TTN: variants seen among roughly 807,000 people sequenced by gnomAD.
TTN encodes the protein connectin.
Under a neutral mutation model 3,223.0 loss-of-function variants are expected in TTN, and 1,525 were observed. The observed-to-expected ratio is 0.47, with a 90% CI of 0.45 to 0.49. The LOEUF (loss-of-function observed/expected upper bound fraction) is 0.49. TTN is among the 20% of genes least tolerant of loss of function. The pLI, the probability that TTN is intolerant of heterozygous loss-of-function variation, is 0.00. For missense variants in TTN, 40,786 were observed against 43,424.0 expected (o/e 0.94, Z 5.40); for synonymous variants, 14,094 against 15,161.0 (o/e 0.93, Z 5.17).
intron 16 of TTN, 81 bp from the exon 17 acceptor site, chr2:178,783,866 A>T: frequency 9.7e-7 from 1 of 1,028,832 alleles, no homozygotes; most frequent in Non-Finnish European, 1.3e-6. Context: ...GCAACATTAT[A>T]TAATTATAAA....
Position 178,617,233 on chromosome 2 carries a change from A to G in TTN, c.47762T>C (p.Val15921Ala). The change falls in exon 255 of 363, where the codon GTT (valine) becomes GCT (alanine). Residue 15921 changes from valine (V) to alanine (A), a missense_variant and splice_region_variant. By Grantham distance (64) the Val-to-Ala change is moderately conservative. Coordinates refer to ENST00000589042, the MANE Select transcript of TTN (RefSeq NM_001267550.2). ...MKLVPELTYK[V>A]TGLEKGNKYL... Reference sequence around the variant, plus strand: ...TTTATTTCCTTTTTCCAATCCGGTAACCTACGATTATGAATTAATATTTGT... The same window carrying G: ...TTTATTTCCTTTTTCCAATCCGGTAGCCTACGATTATGAATTAATATTTGT... The G allele has an allele frequency of 1.9e-6, 3 of 1,541,020 alleles. No homozygotes were observed. The highest frequency in any genetic ancestry group is 2.6e-6 in the Non-Finnish European group (3 of 1,145,448).
Position 178,572,484 on chromosome 2 carries a change from T to C in TTN, c.73648A>G (p.Lys24550Glu), listed in dbSNP as rs1323106581. The C allele has an allele frequency of 1.2e-6, 2 of 1,613,086 alleles. No individual in the cohort carries two copies. Among genetic ancestry groups the C allele is most frequent in the Admixed American group, 1.7e-5 (1 of 59,972 alleles). Residue 24550 changes from lysine to glutamate, a missense_variant, in exon 326 of 363, where the codon AAA (lysine) becomes GAA (glutamate). By Grantham distance (56) the Lys-to-Glu change is moderately conservative. Transcript: ENST00000589042. ...WDPPLLDGGS[K>E]IKNYIVEKRE... The stretch of plus-strand genomic sequence containing the variant: ...TTTTCAACAATATAGTTCTTGATTT[T>C]TGAACCTCCATCAAGGAGAGGTGGG...
At position 178,567,185 on chromosome 2, in the gene TTN, C is replaced by T; in HGVS notation, c.78947G>A (p.Gly26316Asp). 2 of 1,613,162 alleles carry T rather than the reference C, an allele frequency of 1.2e-6. No individual in the cohort carries two copies. The highest frequency in any genetic ancestry group is 1.7e-6 in the Non-Finnish European group (2 of 1,179,400). Residue 26316 changes from glycine to aspartate, a missense_variant, in exon 326 of 363, where the codon GGC becomes GAC. By Grantham distance (94) the Gly-to-Asp change is moderately conservative. Coordinates refer to ENST00000589042, the MANE Select transcript of TTN (RefSeq NM_001267550.2). The part of the protein sequence containing the change: ...LTWSPPLQDG[G>D]SDISHYVVEK... ...AACAACATAGTGAGAAATGTCACTG[C>T]CACCATCTTGAAGTGGTGGAGACCA...
chr2:178,745,844 C>A, intron 47 of TTN: 1 of 1,613,082 alleles, frequency 6.2e-7, no homozygotes, highest in Non-Finnish European at 8.5e-7. Flanking sequence ...GTCAGAAATA[C>A]CTTTGATAAA....
chr2:178,561,965 G>T lies in TTN; in HGVS notation c.84167C>A (p.Pro28056Gln). The change falls in exon 326 of 363, where the codon CCA (proline) becomes CAA (glutamine). Residue 28056 changes from proline to glutamine, a missense_variant. Transcript: ENST00000589042. ...AATACGTATAGGACCTGGAGGTCCT[G>T]GTCTGTCAAGGACAATTATAGTAAT... ...VPITIIVLDR[P>Q]GPPGPIRIDE... The T allele has an allele frequency of 6.2e-7, 1 of 1,612,964 alleles. No homozygotes were observed. The highest frequency in any genetic ancestry group is 8.5e-7 in the Non-Finnish European group (1 of 1,179,260).
At position 178,535,726 on chromosome 2, in the gene TTN, T is replaced by A; in HGVS notation, c.100889A>T (p.Gln33630Leu). 1 of 1,613,798 alleles carries A rather than the reference T, an allele frequency of 6.2e-7. No homozygotes were observed. Residue 33630 changes from glutamine (Q) to leucine (L), a missense_variant, in exon 358 of 363, where the codon CAG becomes CTG. Physicochemically the swap from Gln to Leu is moderately radical, Grantham distance 113. Transcript: ENST00000589042. ...SGKPDPVITW[Q>L]KGQDLIDNNG... ...ATTGTCAATGAGATCTTGTCCTTTC[T>A]GCCAGGTGATCACAGGATCTGGTTT...
At position 178,530,537 on chromosome 2, in the gene TTN, C is replaced by G; in HGVS notation, c.106078G>C (p.Glu35360Gln). The stretch of plus-strand genomic sequence containing the variant: ...GACGTTCCACCTTCACCAGAAATCT[C>G]ACAAACATATTCTCCTTGATCAGAT... ...TESDQGEYVC[E>Q]ISGEGGTSKT... is the part of the protein sequence containing the mutation. The change falls in exon 358 of 363, where the codon GAG (glutamate) becomes CAG (glutamine). Residue 35360 changes from glutamate to glutamine, a missense_variant. By Grantham distance (29) the Glu-to-Gln change is conservative (BLOSUM62 2). Transcript: ENST00000589042. The G allele has an allele frequency of 1.9e-6, 3 of 1,614,018 alleles. No homozygotes were observed. In the East Asian group the frequency reaches 6.7e-5, roughly 36 times the overall value.
Position 178,632,328 on chromosome 2 carries a change from A to G in TTN, c.43566T>C (p.His14522=). ...TGAACCATTTAACTCGGATGTTATC[A>G]TGAGATAACTCCACAGTAAATACAG... The part of the protein sequence containing the change: ...ESAVFTVELS[H]DNIRVKWFKN... The change falls in exon 236 of 363, where the codon CAT becomes CAC. Residue 14522 remains histidine, a synonymous_variant. Coordinates refer to ENST00000589042, the MANE Select transcript of TTN (RefSeq NM_001267550.2). 6.2e-7 allele frequency: 1 copy of G among 1,607,162 alleles called. No homozygotes were observed. Among genetic ancestry groups the G allele is most frequent in the Middle Eastern group, 1.7e-4 (1 of 6,046 alleles).
chr2:178,780,592 TGTGAGCCA>T (rs2092678793), intron 21 of TTN, among the ~76,000 whole-genome samples: 1 of 152,192 alleles, frequency 6.6e-6, no homozygotes, highest in Non-Finnish European at 1.5e-5. Flanking sequence ...TGAAACAGAG[TGTGAGCCA>T]GTTCACTGTA....
Position 178,597,624 on chromosome 2 carries a change from C to A in TTN, c.57458G>T (p.Cys19153Phe). The A allele has an allele frequency of 6.2e-7, 1 of 1,613,208 alleles. No homozygotes were observed. The highest frequency in any genetic ancestry group is 1.1e-5 in the South Asian group (1 of 91,066). Residue 19153 changes from cysteine (C) to phenylalanine (F), a missense_variant, in exon 294 of 363, where the codon TGC becomes TTC. By Grantham distance (205) the Cys-to-Phe change is radical (BLOSUM62 -2). Transcript: ENST00000589042. ...AISSSMVIKNCQRSHQGVYSL... is the reference protein window; with the variant it reads ...AISSSMVIKNFQRSHQGVYSL... ...ATAGACGCCTTGATGGCTCCTCTGG[C>A]AGTTCTTGATGACCATGGATGAGCT...
In TTN at chr2:178,740,259, C is replaced by G. The variant is rs1297015681; in HGVS notation, c.12974G>C (p.Gly4325Ala). The G allele has an allele frequency of 1.2e-6, 2 of 1,613,614 alleles. No homozygotes were observed. Among genetic ancestry groups the G allele is most frequent in the Non-Finnish European group, 1.7e-6 (2 of 1,179,812 alleles). ...TGCTAGTGGAAATCTTAAGGACTTG[C>G]CTTCCTCAATTCTGACCGCAGAATC... Reference protein sequence around the residue: ...GQDSAVRIEEGKSLRFPLALE... With the variant: ...GQDSAVRIEEAKSLRFPLALE... The change falls in exon 48 of 363, where the codon GGC becomes GCC. Residue 4325 changes from glycine to alanine, a missense_variant. By Grantham distance (60) the Gly-to-Ala change is moderately conservative (BLOSUM62 0). Coordinates refer to ENST00000589042, the MANE Select transcript of TTN (RefSeq NM_001267550.2).
chr2:178,756,316 A>C lies in TTN; in HGVS notation c.11160T>G (p.Cys3720Trp). 2.5e-6 allele frequency: 4 copies of C among 1,613,898 alleles called. No individual in the cohort carries two copies. The South Asian group carries it at 4.4e-5, about 18-fold the overall frequency. The change falls in exon 46 of 363, where the codon TGT becomes TGG. Residue 3720 changes from cysteine (C) to tryptophan (W), a missense_variant. Coordinates refer to ENST00000589042, the MANE Select transcript of TTN (RefSeq NM_001267550.2). ...QNGNIQFLTI[C>W]NVQLVDQGLY... Reference sequence around the variant, plus strand: ...GTCCTTGGTCTACCAGCTGAACATTACATATGGTAAGAAACTGAATATTTC... The same window carrying C: ...GTCCTTGGTCTACCAGCTGAACATTCCATATGGTAAGAAACTGAATATTTC...
At position 178,699,981 on chromosome 2, in the gene TTN, C is replaced by G. The variant is rs558731445; in HGVS notation, c.30683-1067G>C. Among the ~76,000 whole-genome samples, 4 of 152,142 alleles carry G rather than the reference C, an allele frequency of 2.6e-5. No homozygotes were observed. The South Asian group carries it at 8.3e-4, about 32-fold the overall frequency. Reference sequence around the variant, plus strand: ...CCGCCCACCTCGGCCTCCCAAAGTGCTGGGATTACAAGCGTGAGCCACCGC... The same window carrying G: ...CCGCCCACCTCGGCCTCCCAAAGTGGTGGGATTACAAGCGTGAGCCACCGC... On this transcript the variant is annotated intron_variant, in intron 111 of 362. Transcript: ENST00000589042.
At chr2:178,578,308 T>A in intron 321 of TTN, 123 bp from the exon 322 acceptor site, 1 of 913,474 alleles carries the variant, frequency 1.1e-6, no homozygotes, top group Non-Finnish European at 1.6e-6. Context: ...TGCTAGTATC[T>A]ATACTTTTAT....
chr2:178,582,406 A>G lies in TTN; in HGVS notation c.66050T>C (p.Val22017Ala). Reference sequence around the variant, plus strand: ...CTCATGGCCCTCTATAAGTTTCTCCACGCTGCAGCTGGTGATAGGCACAGT... The same window carrying G: ...CTCATGGCCCTCTATAAGTTTCTCCGCGCTGCAGCTGGTGATAGGCACAGT... ...SATVPITSCS[V>A]EKLIEGHEYQ... Residue 22017 changes from valine (V) to alanine (A), a missense_variant, in exon 314 of 363, where the codon GTG (valine) becomes GCG (alanine). Physicochemically the swap from Val to Ala is moderately conservative, Grantham distance 64. Coordinates refer to ENST00000589042, the MANE Select transcript of TTN (RefSeq NM_001267550.2). The G allele has an allele frequency of 6.2e-7, 1 of 1,612,750 alleles. No homozygotes were observed. Among genetic ancestry groups the G allele is most frequent in the Non-Finnish European group, 8.5e-7 (1 of 1,179,266 alleles).
intron 46 of TTN, chr2:178,753,808 A>G (rs1458694300): frequency 1.3e-5 from 2 of 152,206 alleles, no homozygotes; most frequent in Admixed American, 6.6e-5. Flanking sequence ...TCCACGTGGT[A>G]TCCTGTCAGT....
rs1459956579 is a variant in TTN at position 178,576,192 on chromosome 2, AGTT to A, written c.69937_69939del (p.Asn23313del). 1.2e-6 allele frequency: 2 copies of A among 1,612,968 alleles called. No individual in the cohort carries two copies. The highest frequency in any genetic ancestry group is 4.5e-5 in the East Asian group (2 of 44,740). On this transcript the variant is annotated inframe_deletion, in exon 326 of 363. Coordinates refer to ENST00000589042, the MANE Select transcript of TTN (RefSeq NM_001267550.2). This position sits in a 1 kb window ranked among gnomAD's most constrained non-coding sequence, Gnocchi z 4.3. ...GCATCGTTGATGGCACTGATTCTGAAGTTGTATTTTTCTTTAGTCTGAAGATCA... is the reference window on the plus strand; with the variant it reads ...GCATCGTTGATGGCACTGATTCTGAAGTATTTTTCTTTAGTCTGAAGATCA...
rs1203546550 is a variant in TTN at position 178,526,803 on chromosome 2, C to T, written c.*209G>A. On this transcript the variant is annotated 3_prime_UTR_variant, in exon 363 of 363. Coordinates refer to ENST00000589042, the MANE Select transcript of TTN (RefSeq NM_001267550.2). ...TTATAACCGTTAATCCGGCTATATA[C>T]AGTATGTACATGTCACTAGCAAATG... is the stretch of plus-strand genomic sequence containing the variant. The T allele has an allele frequency of 2.1e-6, 1 of 469,352 alleles. No homozygotes were observed. The highest frequency in any genetic ancestry group is 3.7e-6 in the Non-Finnish European group (1 of 267,612). The allele number at this position is 469,352 out of a possible 1,614,324, so 29.1% of individuals were successfully genotyped here. A position where few individuals can be genotyped will look rare whatever the true frequency, so the allele number is the denominator to read the frequency against.
In TTN at chr2:178,601,444, T is replaced by C. The variant is rs72646823; in HGVS notation, c.55553A>G (p.Lys18518Arg). 1.1e-3 allele frequency: 1,745 copies of C among 1,612,960 alleles called. 8 individuals carry two copies. Among genetic ancestry groups the C allele is most frequent in the Middle Eastern group, 7.4e-3 (45 of 6,056 alleles). The change falls in exon 287 of 363, where the codon AAG (lysine) becomes AGG (arginine). Residue 18518 changes from lysine to arginine, a missense_variant. Transcript: ENST00000589042. Reference protein sequence around the residue: ...GDRIKGYVIEKRTIDGKAWTK... With the variant: ...GDRIKGYVIERRTIDGKAWTK... ...CCAGGCTTTTCCATCAATAGTCCTC[T>C]TCTCAATAACATAGCCTTTGATCCT...
Sources: gnomAD v4.1 joint callset for allele counts (sites outside exome capture counted in the v4.1 genomes callset) on GRCh38, gnomAD v4.1.1 for gene constraint, Gnocchi (gnomAD v3.1) non-coding constraint, MANE v1.5 for transcripts, NCBI Gene and HGNC (gene_info 2026-07-23, HGNC 2026-07-21) for gene names.